PODXL2: variants seen among roughly 807,000 people sequenced by gnomAD.
The protein encoded by PODXL2 is podocalyxin-like protein 2.
PODXL2 carries 17 observed loss-of-function variants against 53.4 expected under a neutral mutation model. That is an observed-to-expected ratio of 0.32 (90% confidence interval 0.22 to 0.48). The LOEUF (loss-of-function observed/expected upper bound fraction) is 0.48, where lower values mean the gene tolerates loss of function less well. PODXL2 is among the 20% of genes least tolerant of loss of function. The pLI is 0.99. For synonymous variants in PODXL2, 311 were observed against 306.7 expected, an observed-to-expected ratio of 1.01 and a Z score of -0.15; for missense variants, 673 against 760.0, an observed-to-expected ratio of 0.89 and a Z score of 1.35.
chr3:127,650,949 G>A (rs1426457130), intron 2 of PODXL2, among the ~76,000 whole-genome samples: 9 of 151,294 alleles, frequency 5.9e-5, no homozygotes, highest in African/African-American at 1.7e-4. Context: ...GTGAGCCACC[G>A]CGCCCAGCTG....
At chr3:127,639,151 C>T in intron 1 of PODXL2, 94 bp from the exon 2 acceptor site, 1 of 1,297,680 alleles carries the variant, frequency 7.7e-7, no homozygotes, top group Non-Finnish European at 1.1e-6. Context: ...CCCCCTTCCC[C>T]AGGACCTTTG....
chr3:127,643,938 C>A (rs1467205073), intron 2 of PODXL2, among the ~76,000 whole-genome samples: 1 of 152,060 alleles, frequency 6.6e-6, no homozygotes, highest in African/African-American at 2.4e-5. Flanking sequence ...CACGCCTGGC[C>A]CCTTCTATTC....
At chr3:127,671,174 G>C (rs950361015) in intron 6 of PODXL2, among the ~76,000 whole-genome samples, 1 of 152,188 alleles carries the variant, frequency 6.6e-6, no homozygotes, top group Non-Finnish European at 1.5e-5. Flanking sequence ...CAGACTCAGC[G>C]GCTGGGGCAG....
chr3:127,654,213 T>G (rs150680089), intron 2 of PODXL2, among the ~76,000 whole-genome samples: 5 of 152,330 alleles, frequency 3.3e-5, no homozygotes, highest in Non-Finnish European at 7.3e-5. Flanking sequence ...ATTGTTGGAG[T>G]GCAGGCCAGT....
chr3:127,637,321 C>T (rs148168660), intron 1 of PODXL2, among the ~76,000 whole-genome samples: 123 of 152,304 alleles, frequency 8.1e-4, no homozygotes, highest in African/African-American at 2.9e-3. Context: ...TATTCTTATT[C>T]ACATCAACCT....
intron 2 of PODXL2, among the ~76,000 whole-genome samples, chr3:127,650,772 T>G (rs889933750): frequency 2.0e-5 from 3 of 151,980 alleles, no homozygotes; most frequent in Non-Finnish European, 4.4e-5. Context: ...TTCTCCTGCC[T>G]CAGCCTCCTG....
chr3:127,639,260 C>A lies in PODXL2; in HGVS notation c.86C>A (p.Ala29Asp), dbSNP rs1373047254. ...LLLVGGAFLG[A>D]CVAGSDEPGP... The stretch of plus-strand genomic sequence containing the variant: ...GTCTGCACAGGAGCGTTCCTGGGTG[C>A]CTGTGTGGCTGGGTCTGATGAGCCT... The change falls in exon 2 of 8, where the codon GCC becomes GAC. Residue 29 changes from alanine to aspartate, a missense_variant. Physicochemically the swap from Ala to Asp is moderately radical, Grantham distance 126. Coordinates refer to ENST00000342480, the MANE Select transcript of PODXL2 (RefSeq NM_015720.4). 6.2e-7 allele frequency: 1 copy of A among 1,606,070 alleles called. No homozygotes were observed.
intron 4 of PODXL2, chr3:127,665,947 C>A: frequency 2.1e-6 from 1 of 471,054 alleles, no homozygotes; most frequent in East Asian, 6.2e-5. Flanking sequence ...AGATCTGGGC[C>A]CCAGGTGTGC....
chr3:127,639,376 A>G lies in PODXL2; in HGVS notation c.202A>G (p.Met68Val). The G allele has an allele frequency of 1.2e-6, 2 of 1,614,228 alleles. No individual in the cohort carries two copies. The highest frequency in any genetic ancestry group is 1.1e-5 in the South Asian group (1 of 91,088). ...PLDSEEPSET[M>V]GLGAGLGAPG... Reference sequence around the variant, plus strand: ...GGACTCAGAGGAGCCTAGTGAGACCATGGGCCTGGGAGCTGGGCTGGGAGC... The same window carrying G: ...GGACTCAGAGGAGCCTAGTGAGACCGTGGGCCTGGGAGCTGGGCTGGGAGC... The change falls in exon 2 of 8, where the codon ATG becomes GTG. Residue 68 changes from methionine (M) to valine (V), a missense_variant. Coordinates refer to ENST00000342480, the MANE Select transcript of PODXL2 (RefSeq NM_015720.4).
chr3:127,639,837 TGA>T (rs748923510), intron 2 of PODXL2, among the ~76,000 whole-genome samples: 103 of 152,314 alleles, frequency 6.8e-4, no homozygotes, highest in Admixed American at 1.4e-3. Flanking sequence ...ACACTGAGAC[TGA>T]GAGGTTAAAA....
At chr3:127,659,549 A>G (rs1422174956) in intron 2 of PODXL2, among the ~76,000 whole-genome samples, 1 of 152,222 alleles carries the variant, frequency 6.6e-6, no homozygotes, top group East Asian at 1.9e-4. Flanking sequence ...GTTGCTTCCT[A>G]GATACAGCTT....
intron 1 of PODXL2, among the ~76,000 whole-genome samples, chr3:127,636,102 A>G (rs1361455123): frequency 6.6e-6 from 1 of 152,234 alleles, no homozygotes; most frequent in Non-Finnish European, 1.5e-5. Context: ...CAACTCACAA[A>G]GGTAGCTCAG....
chr3:127,671,097 T>C (rs2074830889), intron 6 of PODXL2, among the ~76,000 whole-genome samples: 1 of 152,116 alleles, frequency 6.6e-6, no homozygotes, highest in African/African-American at 2.4e-5. Context: ...GTGGGCACTC[T>C]CTCTAGTTGG....
intron 2 of PODXL2, among the ~76,000 whole-genome samples, chr3:127,656,005 C>T (rs1050510705): frequency 6.6e-6 from 1 of 152,352 alleles, no homozygotes; most frequent in Non-Finnish European, 1.5e-5. Flanking sequence ...GGCACAGGCC[C>T]TGGTTTTTAG....
intron 2 of PODXL2, among the ~76,000 whole-genome samples, chr3:127,660,173 G>GT (rs1224424855): frequency 6.6e-6 from 1 of 152,082 alleles, no homozygotes; most frequent in Non-Finnish European, 1.5e-5. Context: ...TGATAAATTT[G>GT]TATTATTTTA....
At position 127,672,601 on chromosome 3, in the gene PODXL2, C is replaced by T. The variant is rs2074860325; in HGVS notation, c.*121C>T. 1 of 599,808 alleles carries T rather than the reference C, an allele frequency of 1.7e-6. No individual in the cohort carries two copies. The highest frequency in any genetic ancestry group is 2.7e-5 in the South Asian group (1 of 37,016). The allele number at this position is 599,808 out of a possible 1,614,324, so 37.2% of individuals were successfully genotyped here. A position where few individuals can be genotyped will look rare whatever the true frequency, so the allele number is the denominator to read the frequency against. On this transcript the variant is annotated 3_prime_UTR_variant, in exon 8 of 8. Transcript: ENST00000342480. ...CGGGCCGCCCCCGCGGCCTGGCCCT[C>T]GGCGCGGGCTCCTTCCCGCTTCCCC...
Position 127,661,074 on chromosome 3 carries a change from C to T in PODXL2, c.1046C>T (p.Thr349Ile). The T allele has an allele frequency of 6.2e-7, 1 of 1,614,238 alleles. No homozygotes were observed. The highest frequency in any genetic ancestry group is 2.2e-5 in the East Asian group (1 of 44,888). The change falls in exon 3 of 8, where the codon ACC becomes ATC. Residue 349 changes from threonine (T) to isoleucine (I), a missense_variant. This residue lies in a region of PODXL2 where 588 missense variants were observed against 668.3 expected (regional missense o/e 0.88). Transcript: ENST00000342480. The stretch of plus-strand genomic sequence containing the variant: ...ATGGAACTGACACCTTCCTCTGCTA[C>T]CTTGGGACAAGAAGATCTCAACCAG... ...GDMELTPSSA[T>I]LGQEDLNQQL...
At chr3:127,667,663 T>C (rs1296164344) in intron 4 of PODXL2, among the ~76,000 whole-genome samples, 2 of 152,246 alleles carry the variant, frequency 1.3e-5, no homozygotes, top group Non-Finnish European at 2.9e-5. Flanking sequence ...GCTCTTATTT[T>C]TGTTTTAAAT....
chr3:127,661,263 G>A, intron 3 of PODXL2, 104 bp downstream of exon 3: 1 of 845,744 alleles, frequency 1.2e-6, no homozygotes, highest in Non-Finnish European at 1.8e-6. Flanking sequence ...AGGTTGAGGA[G>A]GGAGGCCCTT....
Sources: allele counts gnomAD v4.1 joint callset (sites outside exome capture counted in the v4.1 genomes callset), GRCh38; gene constraint gnomAD v4.1.1; regional missense constraint gnomAD v4.1.1; transcripts MANE v1.5; gene names NCBI Gene and HGNC (gene_info 2026-07-23, HGNC 2026-07-21).